Variants in PRMT9 observed in about 807,000 individuals in gnomAD.
PRMT9 encodes the protein protein arginine N-methyltransferase 9.
PRMT9 carries 59 observed loss-of-function variants against 83.2 expected under a neutral mutation model. That is an observed-to-expected ratio of 0.71 (90% CI 0.57 to 0.88). The LOEUF is 0.88. PRMT9 is among the 40% of genes least tolerant of loss of function. The probability of loss-of-function intolerance (pLI) is 0.00; values close to 1 mark genes in which losing one functional copy is unlikely to be tolerated. For missense variants in PRMT9, 947 were observed against 1,021.9 expected, an observed-to-expected ratio of 0.93 and a Z score of 1.00; for synonymous variants, 333 against 353.2, an observed-to-expected ratio of 0.94 and a Z score of 0.64.
At chr4:147,665,345 A>G (rs942908580) in intron 6 of PRMT9, among the ~76,000 whole-genome samples, 1 of 152,108 alleles carries the variant, frequency 6.6e-6, no homozygotes, top group African/African-American at 2.4e-5. Context: ...TGTAAGGACG[A>G]GCTGTACTTT....
chr4:147,677,746 C>T (rs1421774614), intron 2 of PRMT9, among the ~76,000 whole-genome samples: 4 of 152,010 alleles, frequency 2.6e-5, no homozygotes, highest in Admixed American at 2.6e-4. Context: ...CATGAGCCAC[C>T]ATGCCCGACC....
chr4:147,638,779 G>C (rs1733179240), intron 11 of PRMT9, 32 bp from the exon 12 acceptor site: 2 of 1,498,994 alleles, frequency 1.3e-6, no homozygotes, highest in Non-Finnish European at 1.8e-6. Flanking sequence ...GAAAATATCA[G>C]AGTGCATAGA....
chr4:147,684,155 C>CCCCGT lies in PRMT9; in HGVS notation c.-173_-169dup. 3.7e-6 allele frequency: 3 copies of CCCCGT among 803,610 alleles called. No homozygotes were observed. The highest frequency in any genetic ancestry group is 4.0e-6 in the Non-Finnish European group (2 of 495,186). The allele number at this position is 803,610 out of a possible 1,614,324, so 49.8% of individuals were successfully genotyped here. A position where few individuals can be genotyped will look rare whatever the true frequency, so the allele number is the denominator to read the frequency against. Reference sequence around the variant, plus strand: ...AACCCCAGCCCAGGCGGAAGCTCCGCCCCGTCCTGGCCCCGCGGGCGGCGC... The same window carrying CCCCGT: ...AACCCCAGCCCAGGCGGAAGCTCCGCCCCGTCCCGTCCTGGCCCCGCGGGCGGCGC... On this transcript the variant is annotated 5_prime_UTR_variant, in exon 1 of 12. Transcript: ENST00000322396.
intron 7 of PRMT9, among the ~76,000 whole-genome samples, chr4:147,659,003 C>A (rs1328105747): frequency 6.6e-6 from 1 of 152,080 alleles, no homozygotes; most frequent in East Asian, 1.9e-4. Context: ...CACGGTGAAA[C>A]CCCGTCTCTA....
chr4:147,639,096 A>G lies in PRMT9; in HGVS notation c.2200-14T>C, dbSNP rs1733209687. The stretch of plus-strand genomic sequence containing the variant: ...ACGTATAGGTACCTAGAGAAAGTAT[A>G]AATTTTTCACTTTCACTTTTTCTTT... On this transcript the variant is annotated splice_polypyrimidine_tract_variant and intron_variant, in intron 10 of 11. Transcript: ENST00000322396. 2 of 1,613,004 alleles carry G rather than the reference A, an allele frequency of 1.2e-6. No individual in the cohort carries two copies. The highest frequency in any genetic ancestry group is 2.2e-5 in the East Asian group (1 of 44,728).
intron 5 of PRMT9, among the ~76,000 whole-genome samples, chr4:147,668,849 G>A (rs1265709255): frequency 1.3e-5 from 2 of 152,030 alleles, no homozygotes; most frequent in African/African-American, 2.4e-5. Context: ...CACTTTAGGA[G>A]GCCAAGGCAG....
At chr4:147,639,205 A>G (rs182723596) in intron 10 of PRMT9, 123 bp from the exon 11 acceptor site, 7 of 952,722 alleles carry the variant, frequency 7.3e-6, no homozygotes, top group African/African-American at 3.3e-5. Context: ...ATAGTACTTG[A>G]CAGAATGCTT....
In PRMT9 at chr4:147,638,718, A is replaced by T; in HGVS notation, c.2352T>A (p.Thr784=). 2 of 1,613,210 alleles carry T rather than the reference A, an allele frequency of 1.2e-6. No homozygotes were observed. The highest frequency in any genetic ancestry group is 1.7e-6 in the Non-Finnish European group (2 of 1,179,360). ...ACATATGATACCAAAATGGAATAGC[A>T]GTCAGTCTTCCAGATTTACAAACGT... ...KVYVCKSGRL[T]AIPFWYHMYL... Residue 784 remains threonine, a synonymous_variant, in exon 12 of 12, where the codon ACT becomes ACA. Transcript: ENST00000322396.
rs947463160 is a variant in PRMT9 at position 147,657,900 on chromosome 4, T to C, written c.1222A>G (p.Ile408Val). 8 of 1,607,574 alleles carry C rather than the reference T, an allele frequency of 5.0e-6. No homozygotes were observed. Among genetic ancestry groups the C allele is most frequent in the African/African-American group, 2.7e-5 (2 of 73,052 alleles). Reference sequence around the variant, plus strand: ...AGCTGGAGCACAAACCAAACCATAATAGCATCTAGTATGCCTTCTTTAATA... The same window carrying C: ...AGCTGGAGCACAAACCAAACCATAACAGCATCTAGTATGCCTTCTTTAATA... ...PVIKEGILDA[I>V]MVWFVLQLDD... The change falls in exon 8 of 12, where the codon ATT (isoleucine) becomes GTT (valine). Residue 408 changes from isoleucine (I) to valine (V), a missense_variant. By Grantham distance (29) the Ile-to-Val change is conservative. Coordinates refer to ENST00000322396, the MANE Select transcript of PRMT9 (RefSeq NM_138364.4).
chr4:147,678,640 G>A (rs1463808704), intron 2 of PRMT9, among the ~76,000 whole-genome samples: 1 of 152,182 alleles, frequency 6.6e-6, no homozygotes, highest in Non-Finnish European at 1.5e-5. Flanking sequence ...TGTGGTTTAT[G>A]CTCAACAGCT....
At chr4:147,646,989 A>G (rs1448963936) in intron 9 of PRMT9, among the ~76,000 whole-genome samples, 1 of 152,186 alleles carries the variant, frequency 6.6e-6, no homozygotes, top group African/African-American at 2.4e-5. Flanking sequence ...TTTAGTTTAT[A>G]GTTTAACTTT....
rs139615848 is a variant in PRMT9 at position 147,665,595 on chromosome 4, A to T, written c.953+2944T>A. Among the ~76,000 whole-genome samples, 29 of 152,256 alleles carry T rather than the reference A, an allele frequency of 1.9e-4. No individual in the cohort carries two copies. The East Asian group carries it at 5.2e-3, about 27-fold the overall frequency. On this transcript the variant is annotated intron_variant, in intron 6 of 11. Transcript: ENST00000322396. ...ACAGGATGCCCCAGAATCATATTGA[A>T]TCTATTCCACCCCAGTACTGGAATC...
At chr4:147,654,688 T>C (rs1427010031) in intron 8 of PRMT9, 122 bp from the exon 9 acceptor site, 1 of 687,180 alleles carries the variant, frequency 1.5e-6, no homozygotes, top group Non-Finnish European at 2.5e-6. Flanking sequence ...GGATTACAAA[T>C]ACTCATTTAA....
At chr4:147,680,993 C>T (rs1399334812) in intron 1 of PRMT9, among the ~76,000 whole-genome samples, 2 of 152,208 alleles carry the variant, frequency 1.3e-5, no homozygotes, top group African/African-American at 2.4e-5. Flanking sequence ...CCTGAACAAT[C>T]CTTGTGCAAA....
At chr4:147,664,373 T>C (rs1021065435) in intron 6 of PRMT9, among the ~76,000 whole-genome samples, 1 of 152,192 alleles carries the variant, frequency 6.6e-6, no homozygotes, top group African/African-American at 2.4e-5. Flanking sequence ...CTCTTTAATC[T>C]CCTTTCATCT....
intron 4 of PRMT9, among the ~76,000 whole-genome samples, chr4:147,671,318 T>C (rs1735716320): frequency 6.6e-6 from 1 of 152,186 alleles, no homozygotes; most frequent in Non-Finnish European, 1.5e-5. Context: ...GTGCCTCTCT[T>C]ATCACTTCTC....
At chr4:147,651,930 G>A (rs1050978945) in intron 9 of PRMT9, among the ~76,000 whole-genome samples, 4 of 152,100 alleles carry the variant, frequency 2.6e-5, no homozygotes, top group African/African-American at 7.2e-5. Flanking sequence ...TCACACTAAT[G>A]AAGTGAAAAA....
intron 8 of PRMT9, among the ~76,000 whole-genome samples, chr4:147,657,291 C>T (rs1734577535): frequency 6.6e-6 from 1 of 151,854 alleles, no homozygotes; most frequent in African/African-American, 2.4e-5. Context: ...TTTGGGAGGC[C>T]GAGGTGGGTG....
chr4:147,680,527 T>C (rs1339833899), intron 1 of PRMT9, 56 bp from the exon 2 acceptor site: 2 of 1,262,176 alleles, frequency 1.6e-6, no homozygotes, highest in East Asian at 5.0e-5. Flanking sequence ...GATGAAAGAA[T>C]ATACATCATT....
Sources: gnomAD v4.1 joint callset for allele counts (sites outside exome capture counted in the v4.1 genomes callset) on GRCh38, gnomAD v4.1.1 for gene constraint, MANE v1.5 for transcripts, NCBI Gene and HGNC (gene_info 2026-07-23, HGNC 2026-07-21) for gene names.